Variants in NTM observed in about 807,000 individuals in gnomAD.
NTM encodes the protein neurotrimin.
In NTM, 13 loss-of-function variants were observed where a neutral mutation model predicts 42.1. The ratio of observed to expected loss-of-function variants is 0.31; its 90% CI spans 0.20 to 0.49. The LOEUF (loss-of-function observed/expected upper bound fraction) is 0.49, where lower values mean the gene tolerates loss of function less well. Ranked by LOEUF, NTM falls within the 20% of genes least tolerant of loss-of-function variation. NTM has a pLI of 0.99. For missense variants in NTM, 373 were observed against 452.8 expected, an observed-to-expected ratio of 0.82 and a Z score of 1.60; for synonymous variants, 187 against 179.2, an observed-to-expected ratio of 1.04 and a Z score of -0.35.
intron 2 of NTM, among the ~76,000 whole-genome samples, chr11:131,976,943 T>C (rs997075800): frequency 6.6e-6 from 1 of 152,254 alleles, no homozygotes; most frequent in Admixed American, 6.5e-5. Context: ...AAAATATCGG[T>C]GTGTGTGGGT....
intron 1 of NTM, among the ~76,000 whole-genome samples, chr11:131,526,877 T>G (rs1221724239): frequency 1.3e-5 from 2 of 152,220 alleles, no homozygotes; most frequent in Non-Finnish European, 2.9e-5. Flanking sequence ...CAAAAAATAT[T>G]TATACTTCTC....
intron 2 of NTM, among the ~76,000 whole-genome samples, chr11:132,145,023 T>C (rs2137308170): frequency 6.6e-6 from 1 of 152,312 alleles, no homozygotes; most frequent in South Asian, 2.1e-4. Flanking sequence ...GTAGCACTTG[T>C]TAGAATTTTT....
chr11:131,848,946 C>A (rs906666982), intron 1 of NTM, among the ~76,000 whole-genome samples: 2 of 152,268 alleles, frequency 1.3e-5, no homozygotes, highest in East Asian at 3.9e-4. Flanking sequence ...GTAAATAATT[C>A]TTTGCCAAGT....
At chr11:132,249,111 G>A (rs1033463000) in intron 4 of NTM, among the ~76,000 whole-genome samples, 1 of 152,152 alleles carries the variant, frequency 6.6e-6, no homozygotes, top group Non-Finnish European at 1.5e-5. Context: ...AAGTGATTTT[G>A]GCCTTGTCTT....
chr11:131,919,999 G>C (rs1000339962), intron 2 of NTM, among the ~76,000 whole-genome samples: 1 of 152,164 alleles, frequency 6.6e-6, no homozygotes, highest in South Asian at 2.1e-4. Flanking sequence ...TTCTGAGAGG[G>C]AGCGAGAAGA....
chr11:131,775,998 CAGA>C (rs1020556123), intron 1 of NTM, among the ~76,000 whole-genome samples: 1 of 152,186 alleles, frequency 6.6e-6, no homozygotes, highest in African/African-American at 2.4e-5. Context: ...GGAAACTCAA[CAGA>C]AGTTCTTTCC....
intron 1 of NTM, among the ~76,000 whole-genome samples, chr11:131,455,994 A>G (rs1432052070): frequency 2.0e-5 from 3 of 152,252 alleles, no homozygotes; most frequent in African/African-American, 7.2e-5. Context: ...GTTCTGAAAG[A>G]AAGTTCATTG....
At chr11:131,428,995 C>T (rs1344426554) in intron 1 of NTM, among the ~76,000 whole-genome samples, 2 of 151,804 alleles carry the variant, frequency 1.3e-5, no homozygotes, top group Admixed American at 1.3e-4. Context: ...GTGGAGGTTG[C>T]AGTAAGCCGA....
chr11:132,309,515 G>C (rs1329734030), intron 5 of NTM, among the ~76,000 whole-genome samples: 1 of 152,156 alleles, frequency 6.6e-6, no homozygotes, highest in East Asian at 1.9e-4. Context: ...GTGTAGGGTT[G>C]ATGGGCTGGC....
chr11:131,587,194 G>A (rs758802234), intron 1 of NTM, among the ~76,000 whole-genome samples: 19 of 152,182 alleles, frequency 1.2e-4, no homozygotes, highest in Admixed American at 3.3e-4. Context: ...ATTTCCCAAT[G>A]TTGTATAGCT....
rs576859446 is a variant in NTM at position 132,279,815 on chromosome 11, C to T, written c.527-27874C>T. 9.8e-5 allele frequency among the ~76,000 whole-genome samples: 15 copies of T among 152,296 alleles called. No homozygotes were observed. The South Asian group carries it at 3.1e-3, about 32-fold the overall frequency. ...TTTGTGGACTTAACACTCTGCATTT[C>T]CTTTGCATACCTTCCATATAAAGAT... On this transcript the variant is annotated intron_variant, in intron 4 of 8. Transcript: ENST00000683400.
intron 1 of NTM, among the ~76,000 whole-genome samples, chr11:131,411,744 C>T (rs1341171500): frequency 3.9e-5 from 6 of 152,100 alleles, no homozygotes; most frequent in Admixed American, 2.0e-4. Context: ...GATGCCTTTC[C>T]GCCCACCATG....
At chr11:131,707,673 T>A (rs982245801) in intron 1 of NTM, among the ~76,000 whole-genome samples, 2 of 152,144 alleles carry the variant, frequency 1.3e-5, no homozygotes, top group African/African-American at 4.8e-5. Flanking sequence ...TTTTATTTTT[T>A]AATAAGTCAT....
rs568727779 is a variant in NTM, at chr11:132,096,483, T to C, written c.168-49799T>C. On this transcript the variant is annotated intron_variant, in intron 2 of 8. Transcript: ENST00000683400. The stretch of plus-strand genomic sequence containing the variant: ...GGGGAATAGAAATAGAACCCCAAGA[T>C]TGAATGACTCACTTAGTATTTAATG... 9.9e-5 allele frequency among the ~76,000 whole-genome samples: 15 copies of C among 152,274 alleles called. No individual in the cohort carries two copies. The South Asian group carries it at 2.7e-3, about 27-fold the overall frequency.
chr11:131,827,367 T>A (rs1280020631), intron 1 of NTM, among the ~76,000 whole-genome samples: 1 of 151,988 alleles, frequency 6.6e-6, no homozygotes, highest in African/African-American at 2.4e-5. Context: ...CTGGCAGAAG[T>A]GGGAAAGGCC....
chr11:132,019,462 C>T (rs1034013909), intron 2 of NTM, among the ~76,000 whole-genome samples: 1 of 151,880 alleles, frequency 6.6e-6, no homozygotes, highest in Non-Finnish European at 1.5e-5. Context: ...TCAATTTTGT[C>T]AGGTTTGCTT....
intron 2 of NTM, among the ~76,000 whole-genome samples, chr11:131,969,145 A>G (rs12789646): frequency 0.11 from 16,071 of 152,254 alleles, 862 homozygotes; most frequent in East Asian, 0.2. Flanking sequence ...TGAAGTCATT[A>G]CAGGAATAAT....
chr11:132,130,765 T>G (rs2066668595), intron 2 of NTM, among the ~76,000 whole-genome samples: 1 of 152,164 alleles, frequency 6.6e-6, no homozygotes, highest in Admixed American at 6.5e-5. Flanking sequence ...GCAGCAGACC[T>G]AAGCCGCCAG....
intron 5 of NTM, among the ~76,000 whole-genome samples, chr11:132,309,105 G>C (rs1397467883): frequency 1.3e-5 from 2 of 152,180 alleles, no homozygotes; most frequent in African/African-American, 2.4e-5. Flanking sequence ...ATTCTCTTCA[G>C]GGTCTCCACA....
Sources: gnomAD v4.1 joint callset for allele counts (sites outside exome capture counted in the v4.1 genomes callset) on GRCh38, gnomAD v4.1.1 for gene constraint, MANE v1.5 for transcripts, NCBI Gene and HGNC (gene_info 2026-07-23, HGNC 2026-07-21) for gene names.